ELAPOR2: variants seen among roughly 807,000 people sequenced by gnomAD.
ELAPOR2 encodes the protein endosome/lysosome-associated apoptosis and autophagy regulator family member 2.
Under a neutral mutation model 120.7 loss-of-function variants are expected in ELAPOR2, and 89 were observed. The observed-to-expected ratio is 0.74, with a 90% CI of 0.62 to 0.88. The LOEUF (loss-of-function observed/expected upper bound fraction) is 0.88. Among genes scored for constraint, ELAPOR2 ranks in the 40% least tolerant of loss-of-function variants. The pLI, the probability that ELAPOR2 is intolerant of heterozygous loss-of-function variation, is 0.00. For missense variants in ELAPOR2, 1,134 were observed against 1,251.6 expected, an observed-to-expected ratio of 0.91 and a Z score of 1.42; for synonymous variants, 444 against 444.9, an observed-to-expected ratio of 1.00 and a Z score of 0.03.
intron 21 of ELAPOR2, among the ~76,000 whole-genome samples, chr7:86,883,531 A>G (rs1455804812): frequency 2.6e-5 from 4 of 152,238 alleles, no homozygotes; most frequent in African/African-American, 4.8e-5. Flanking sequence ...AAATGTTGGT[A>G]TATCTACACA....
At chr7:86,926,377 T>C (rs1201902656) in intron 9 of ELAPOR2, among the ~76,000 whole-genome samples, 3 of 152,120 alleles carry the variant, frequency 2.0e-5, no homozygotes, top group Non-Finnish European at 2.9e-5. Context: ...TCAATGATGA[T>C]GAGCCAGATA....
At chr7:86,947,343 G>T (rs527918830) in intron 3 of ELAPOR2, among the ~76,000 whole-genome samples, 28 of 152,166 alleles carry the variant, frequency 1.8e-4, no homozygotes, top group Non-Finnish European at 4.0e-4. Context: ...TCTTTTATAG[G>T]AGATAATCAA....
intron 2 of ELAPOR2, among the ~76,000 whole-genome samples, chr7:86,963,361 T>G (rs1791788341): frequency 6.6e-6 from 1 of 152,180 alleles, no homozygotes. Flanking sequence ...TTTTGACCCC[T>G]AGCCAACAAA....
At chr7:86,917,179 G>A (rs892111161) in intron 12 of ELAPOR2, among the ~76,000 whole-genome samples, 6 of 151,846 alleles carry the variant, frequency 4.0e-5, no homozygotes, top group Admixed American at 2.0e-4. Flanking sequence ...CAGCACTTTG[G>A]GAGGCCAAAA....
chr7:87,020,995 T>C (rs936495121), intron 1 of ELAPOR2, among the ~76,000 whole-genome samples: 8 of 152,220 alleles, frequency 5.3e-5, no homozygotes, highest in African/African-American at 1.9e-4. Context: ...AAAGAGTTCA[T>C]ATGTATTAAA....
intron 8 of ELAPOR2, among the ~76,000 whole-genome samples, chr7:86,928,930 G>T (rs1790200764): frequency 1.3e-5 from 2 of 151,846 alleles, no homozygotes; most frequent in Non-Finnish European, 2.9e-5. Context: ...GGCTGACTAG[G>T]TAAAGATAAT....
intron 1 of ELAPOR2, among the ~76,000 whole-genome samples, chr7:87,049,313 G>A (rs1405289459): frequency 1.3e-5 from 2 of 151,466 alleles, no homozygotes; most frequent in Non-Finnish European, 2.9e-5. Context: ...ACCGAGCCTC[G>A]CTCTGTCGCC....
intron 1 of ELAPOR2, among the ~76,000 whole-genome samples, chr7:87,007,703 G>A (rs1280594497): frequency 3.9e-5 from 6 of 152,128 alleles, no homozygotes; most frequent in Non-Finnish European, 5.9e-5. Flanking sequence ...AGCCTAGAAC[G>A]GCTTGTGCCA....
chr7:86,926,963 C>T, intron 8 of ELAPOR2, 47 bp from the exon 9 acceptor site: 1 of 1,398,256 alleles, frequency 7.2e-7, no homozygotes, highest in South Asian at 1.8e-5. Flanking sequence ...ATATAACATG[C>T]TTATAACAAA....
At chr7:87,000,399 A>AGG (rs10686857) in intron 1 of ELAPOR2, among the ~76,000 whole-genome samples, 57,284 of 151,708 alleles carry the variant, frequency 0.38, 11,638 homozygotes, top group African/African-American at 0.53. Flanking sequence ...GTAAATATTA[A>AGG]GGTGTCATGT....
chr7:86,979,058 G>C (rs899636391), intron 1 of ELAPOR2, among the ~76,000 whole-genome samples: 8 of 152,172 alleles, frequency 5.3e-5, no homozygotes, highest in Admixed American at 2.6e-4. Flanking sequence ...GGCCAACTAT[G>C]CACTCATTTT....
intron 2 of ELAPOR2, among the ~76,000 whole-genome samples, chr7:86,962,095 C>G (rs1258787154): frequency 6.6e-6 from 1 of 152,144 alleles, no homozygotes; most frequent in African/African-American, 2.4e-5. Flanking sequence ...AAACTGATAC[C>G]TGACTTCTCA....
At chr7:86,982,624 A>G (rs1017852427) in intron 1 of ELAPOR2, among the ~76,000 whole-genome samples, 1 of 152,218 alleles carries the variant, frequency 6.6e-6, no homozygotes, top group Non-Finnish European at 1.5e-5. Flanking sequence ...TAACAAACAA[A>G]AAGGAATAGC....
chr7:86,995,710 G>C (rs1793100333), intron 1 of ELAPOR2, among the ~76,000 whole-genome samples: 1 of 152,140 alleles, frequency 6.6e-6, no homozygotes, highest in African/African-American at 2.4e-5. Context: ...TTAGATTCAA[G>C]AAAAGTGATA....
In ELAPOR2 at chr7:86,947,708, G is replaced by A. The variant is rs1241070440; in HGVS notation, c.506+19C>T. Reference sequence around the variant, plus strand: ...CTCAAATATTCAGTTAAGAGCCAAAGGCTGCTTTGGATTCTTACTTGTTAC... The same window carrying A: ...CTCAAATATTCAGTTAAGAGCCAAAAGCTGCTTTGGATTCTTACTTGTTAC... On this transcript the variant is annotated intron_variant, in intron 3 of 21. Transcript: ENST00000450689. The A allele has an allele frequency of 1.3e-5, 20 of 1,544,456 alleles. No individual in the cohort carries two copies. Among genetic ancestry groups the A allele is most frequent in the Non-Finnish European group, 1.6e-5 (18 of 1,141,536 alleles).
intron 16 of ELAPOR2, among the ~76,000 whole-genome samples, chr7:86,909,086 A>G (rs1472972419): frequency 1.3e-5 from 2 of 152,082 alleles, no homozygotes; most frequent in Non-Finnish European, 2.9e-5. Context: ...CCAAAACACA[A>G]TAAGAGCAAA....
At chr7:87,011,987 A>G (rs1398728078) in intron 1 of ELAPOR2, among the ~76,000 whole-genome samples, 1 of 152,220 alleles carries the variant, frequency 6.6e-6, no homozygotes, top group Non-Finnish European at 1.5e-5. Context: ...TTTTAACTTG[A>G]TACCATTTGA....
chr7:86,947,597 G>T, intron 3 of ELAPOR2, 130 bp downstream of exon 3: 1 of 801,588 alleles, frequency 1.2e-6, no homozygotes, highest in African/African-American at 1.7e-5. Flanking sequence ...CAAAAAACAT[G>T]ATTCTTTGCA....
chr7:86,993,887 A>T (rs1281922179), intron 1 of ELAPOR2, among the ~76,000 whole-genome samples: 1 of 152,180 alleles, frequency 6.6e-6, no homozygotes, highest in Non-Finnish European at 1.5e-5. Context: ...CAACACACAC[A>T]TACAGCCCAT....
Sources: gnomAD v4.1 joint callset for allele counts (sites outside exome capture counted in the v4.1 genomes callset) on GRCh38, gnomAD v4.1.1 for gene constraint, MANE v1.5 for transcripts, NCBI Gene and HGNC (gene_info 2026-07-23, HGNC 2026-07-21) for gene names.